Variants in DOCK1 observed in about 807,000 individuals in gnomAD.
DOCK1 encodes dedicator of cytokinesis 1, also known as dedicator of cytokinesis protein 1.
Under a neutral mutation model 262.7 loss-of-function variants are expected in DOCK1, and 138 were observed. The observed-to-expected ratio is 0.53, with a 90% CI of 0.46 to 0.61. The LOEUF is 0.61. DOCK1 is among the 20% of genes least tolerant of loss of function. The pLI is 0.00. For missense variants in DOCK1, 1,908 were observed against 2,370.7 expected (o/e 0.80, Z 4.05); for synonymous variants, 866 against 867.4 (o/e 1.00, Z 0.03).
chr10:127,435,174 T>C (rs1222692910), intron 48 of DOCK1, among the ~76,000 whole-genome samples: 2 of 152,172 alleles, frequency 1.3e-5, no homozygotes, highest in African/African-American at 4.8e-5. Flanking sequence ...TAAAGTTTGT[T>C]CTTCTACAAA....
chr10:127,036,464 TC>T (rs1317351685), intron 18 of DOCK1, among the ~76,000 whole-genome samples: 1 of 152,206 alleles, frequency 6.6e-6, no homozygotes, highest in Non-Finnish European at 1.5e-5. Flanking sequence ...GTTTTTTTTT[TC>T]TTCTTCAGTA....
chr10:126,981,484 G>T (rs1243943919), intron 3 of DOCK1, among the ~76,000 whole-genome samples: 4 of 152,238 alleles, frequency 2.6e-5, no homozygotes, highest in African/African-American at 9.6e-5. Flanking sequence ...AAGTCTCTGA[G>T]AAAGTCTCTG....
In DOCK1 at chr10:127,452,201, C is replaced by G. The variant is rs1240690719; in HGVS notation, c.*774C>G. 6.6e-6 allele frequency: 1 copy of G among 152,468 alleles called. No homozygotes were observed. The highest frequency in any genetic ancestry group is 1.9e-4 in the East Asian group (1 of 5,192). The allele number at this position is 152,468 out of a possible 1,614,324, so 9.4% of individuals were successfully genotyped here. On this transcript the variant is annotated 3_prime_UTR_variant, in exon 52 of 52. Transcript: ENST00000623213. ...ACAGAAATTTGTATATATGATGGTT[C>G]TTAGAACTTGTTTTAATTTTTGTGG...
rs1309424463 is a variant in DOCK1 at position 127,425,825 on chromosome 10, C to T, written c.4777-49C>T. On this transcript the variant is annotated intron_variant, in intron 46 of 51. Coordinates refer to ENST00000623213, the MANE Select transcript of DOCK1 (RefSeq NM_001290223.2). ...TTTCCCCAAGTGTGCATTGCTCGTC[C>T]TAGACCATTATCCAAGAAATAAGGA... 10 of 1,612,212 alleles carry T rather than the reference C, an allele frequency of 6.2e-6. No homozygotes were observed. The Admixed American group carries it at 1.7e-4, about 27-fold the overall frequency.
chr10:127,061,031 C>T lies in DOCK1; in HGVS notation c.2337-637C>T, dbSNP rs2045496804. ...ATCACCTTAGGTCAGGAGTTCAAGA[C>T]CAGCCTGGCCAACATGGTGTAACTT... On this transcript the variant is annotated intron_variant, in intron 22 of 51. Coordinates refer to ENST00000623213, the MANE Select transcript of DOCK1 (RefSeq NM_001290223.2). 1.3e-5 allele frequency among the ~76,000 whole-genome samples: 2 copies of T among 152,188 alleles called. 1 individual carries two copies. Among genetic ancestry groups the T allele is most frequent in the Non-Finnish European group, 2.9e-5 (2 of 68,038 alleles).
At chr10:127,033,075 G>A (rs983580732) in intron 18 of DOCK1, among the ~76,000 whole-genome samples, 2 of 152,196 alleles carry the variant, frequency 1.3e-5, no homozygotes, top group Non-Finnish European at 2.9e-5. Flanking sequence ...TACGGGAATA[G>A]TGCCTGCCTC....
At chr10:127,348,349 G>T (rs1311948905) in intron 31 of DOCK1, among the ~76,000 whole-genome samples, 1 of 152,086 alleles carries the variant, frequency 6.6e-6, no homozygotes, top group African/African-American at 2.4e-5. Flanking sequence ...TGTCTAAAAT[G>T]TAAAAGGAAT....
chr10:127,292,772 C>G (rs7912244), intron 29 of DOCK1, among the ~76,000 whole-genome samples: 23,247 of 152,078 alleles, frequency 0.15, 2,065 homozygotes, highest in East Asian at 0.25. Context: ...GCAGCTCCAC[C>G]TGCAGTGATG....
intron 33 of DOCK1, among the ~76,000 whole-genome samples, chr10:127,362,887 ACACACACACACATGTACATCTC>A (rs2064605316): frequency 2.2e-5 from 3 of 134,110 alleles, no homozygotes; most frequent in Admixed American, 7.0e-5. Flanking sequence ...ACACATCCCC[ACACACACACACATGTACATCTC>A]CACACACACA....
At chr10:127,123,844 C>T (rs1033303934) in intron 25 of DOCK1, among the ~76,000 whole-genome samples, 1 of 152,186 alleles carries the variant, frequency 6.6e-6, no homozygotes, top group Non-Finnish European at 1.5e-5. Context: ...GCTGACCTGG[C>T]CTCTTTCCAG....
chr10:127,030,239 T>C (rs1390196417), intron 16 of DOCK1, among the ~76,000 whole-genome samples: 2 of 152,184 alleles, frequency 1.3e-5, no homozygotes, highest in Non-Finnish European at 2.9e-5. Flanking sequence ...TCTGTAATTG[T>C]AGAGATAGTT....
chr10:126,975,890 A>T (rs1392607426), intron 2 of DOCK1, among the ~76,000 whole-genome samples: 1 of 152,004 alleles, frequency 6.6e-6, no homozygotes, highest in East Asian at 1.9e-4. Context: ...AAATACCAGG[A>T]TGACAGGAGT....
intron 38 of DOCK1, among the ~76,000 whole-genome samples, chr10:127,401,852 A>G (rs921659969): frequency 9.2e-5 from 14 of 152,080 alleles, no homozygotes; most frequent in Admixed American, 3.3e-4. Flanking sequence ...GCCTTATGTC[A>G]ATTAAACTCT....
intron 29 of DOCK1, among the ~76,000 whole-genome samples, chr10:127,304,368 A>G (rs2061799277): frequency 6.6e-6 from 1 of 152,172 alleles, no homozygotes; most frequent in African/African-American, 2.4e-5. Flanking sequence ...TTTTATGGTG[A>G]GCGAAATTCT....
At chr10:127,191,683 C>T (rs1410823828) in intron 27 of DOCK1, among the ~76,000 whole-genome samples, 3 of 152,190 alleles carry the variant, frequency 2.0e-5, no homozygotes, top group African/African-American at 7.2e-5. Context: ...CCTAGAAACA[C>T]AAAGACTGCT....
At chr10:127,361,849 G>A (rs1028314220) in intron 32 of DOCK1, among the ~76,000 whole-genome samples, 1 of 152,170 alleles carries the variant, frequency 6.6e-6, no homozygotes, top group Non-Finnish European at 1.5e-5. Flanking sequence ...GATCTTTGAA[G>A]AGCTTCACTT....
At chr10:127,247,016 G>A (rs1023499797) in intron 27 of DOCK1, among the ~76,000 whole-genome samples, 1 of 152,124 alleles carries the variant, frequency 6.6e-6, no homozygotes, top group Non-Finnish European at 1.5e-5. Flanking sequence ...AGCAAGGAAG[G>A]CTTTACAATG....
intron 25 of DOCK1, among the ~76,000 whole-genome samples, chr10:127,120,951 C>T (rs112959530): frequency 2.2e-3 from 336 of 152,240 alleles, no homozygotes; most frequent in African/African-American, 7.6e-3. Context: ...TCATTTAGTT[C>T]TCAGTCAACC....
intron 10 of DOCK1, among the ~76,000 whole-genome samples, chr10:127,002,831 C>G (rs2040690822): frequency 6.6e-6 from 1 of 152,228 alleles, no homozygotes; most frequent in South Asian, 2.1e-4. Flanking sequence ...GGACTGGTCT[C>G]TGGTTCCTTC....
Sources: allele counts gnomAD v4.1 joint callset (sites outside exome capture counted in the v4.1 genomes callset), GRCh38; gene constraint gnomAD v4.1.1; transcripts MANE v1.5; gene names NCBI Gene and HGNC (gene_info 2026-07-23, HGNC 2026-07-21).